Variants in CRISPLD2 observed in about 807,000 individuals in gnomAD.
The protein encoded by CRISPLD2 is cysteine rich secretory protein LCCL domain containing 2.
CRISPLD2 carries 47 observed loss-of-function variants against 71.1 expected under a neutral mutation model. The observed-to-expected ratio is 0.66, with a 90% CI of 0.52 to 0.84. The LOEUF is 0.84. Ranked by LOEUF, CRISPLD2 falls within the 40% of genes least tolerant of loss-of-function variation. The pLI, the probability that CRISPLD2 is intolerant of heterozygous loss-of-function variation, is 0.00. For missense variants in CRISPLD2, 830 were observed against 651.1 expected (o/e 1.27, Z -2.99); for synonymous variants, 317 against 250.1 (o/e 1.27, Z -2.52).
rs1006674668 is a variant in CRISPLD2, at chr16:84,858,038, C to T, written c.709+3209C>T. 6.6e-5 allele frequency among the ~76,000 whole-genome samples: 10 copies of T among 152,260 alleles called. No individual in the cohort carries two copies. In the Middle Eastern group the frequency reaches 0.017, roughly 259 times the overall value. The stretch of plus-strand genomic sequence containing the variant: ...GTTTCCACCAAAGCCCAGTAACAGG[C>T]CAAGAGCTGTCTCTCAAAAGGAAAG... On this transcript the variant is annotated intron_variant, in intron 6 of 14. Transcript: ENST00000262424.
At chr16:84,895,628 A>G (rs12598167) in intron 14 of CRISPLD2, among the ~76,000 whole-genome samples, 28,465 of 152,122 alleles carry the variant, frequency 0.19, 2,767 homozygotes, top group Middle Eastern at 0.25. Context: ...TATTTCATCA[A>G]ATGAGATGAA....
At chr16:84,878,171 C>T (rs1272690538) in intron 12 of CRISPLD2, among the ~76,000 whole-genome samples, 5 of 152,106 alleles carry the variant, frequency 3.3e-5, no homozygotes, top group Non-Finnish European at 7.4e-5. Context: ...TTGCAGTGAG[C>T]CGAGATCGCA....
At chr16:84,850,095 CT>C (rs71384841) in intron 4 of CRISPLD2, among the ~76,000 whole-genome samples, 90,885 of 141,590 alleles carry the variant, frequency 0.64, 29,579 homozygotes, top group Middle Eastern at 0.81. Flanking sequence ...TGTTTGCTTG[CT>C]TTTTTTTTTT....
chr16:84,889,678 A>G (rs1398489078), intron 14 of CRISPLD2, among the ~76,000 whole-genome samples: 1 of 151,948 alleles, frequency 6.6e-6, no homozygotes, highest in Non-Finnish European at 1.5e-5. Context: ...GAAGATAAAC[A>G]GTCATCCATA....
At chr16:84,843,102 C>T (rs1217626729) in intron 2 of CRISPLD2, among the ~76,000 whole-genome samples, 1 of 152,146 alleles carries the variant, frequency 6.6e-6, no homozygotes, top group Non-Finnish European at 1.5e-5. Context: ...TGTTTGTTTA[C>T]TTGGTGATGT....
intron 3 of CRISPLD2, 70 bp from the exon 4 acceptor site, chr16:84,849,315 T>G: frequency 6.8e-7 from 1 of 1,462,856 alleles, no homozygotes; most frequent in Non-Finnish European, 9.3e-7. Context: ...TACCTGCCCG[T>G]GGCTGCTGCT....
chr16:84,830,818 T>C (rs1487909775), intron 1 of CRISPLD2, among the ~76,000 whole-genome samples: 2 of 152,182 alleles, frequency 1.3e-5, no homozygotes, highest in African/African-American at 2.4e-5. Context: ...AGATTATCAG[T>C]GTCTATGGGA....
intron 6 of CRISPLD2, among the ~76,000 whole-genome samples, chr16:84,861,656 A>C (rs1213351288): frequency 1.3e-5 from 2 of 152,194 alleles, no homozygotes; most frequent in East Asian, 1.9e-4. Context: ...ACCCAGGATC[A>C]ATACTTTGCA....
chr16:84,826,692 G>A (rs1367677949), intron 1 of CRISPLD2, among the ~76,000 whole-genome samples: 1 of 152,222 alleles, frequency 6.6e-6, no homozygotes, highest in East Asian at 1.9e-4. Context: ...CCTTGGCATC[G>A]CAGGACAAAG....
intron 4 of CRISPLD2, 64 bp from the exon 5 acceptor site, chr16:84,850,504 C>G: frequency 7.2e-7 from 1 of 1,391,990 alleles, no homozygotes; most frequent in Non-Finnish European, 1.0e-6. Context: ...ACATCCAGGC[C>G]AAATGATATC....
At chr16:84,856,545 A>G (rs1361901146) in intron 6 of CRISPLD2, among the ~76,000 whole-genome samples, 1 of 152,186 alleles carries the variant, frequency 6.6e-6, no homozygotes, top group East Asian at 1.9e-4. Flanking sequence ...AAATTTTGCT[A>G]GTGGGTCACT....
At chr16:84,835,809 C>T (rs541144910) in intron 1 of CRISPLD2, among the ~76,000 whole-genome samples, 22 of 152,358 alleles carry the variant, frequency 1.4e-4, no homozygotes, top group African/African-American at 4.6e-4. Flanking sequence ...AGAACAAAGG[C>T]GGCCAGTCAG....
chr16:84,854,709 GT>G lies in CRISPLD2; in HGVS notation c.609-15del, dbSNP rs1567688971. ...CACGTCGTGGTTCCCTCTGACGGTT[GT>G]TTTTGGGTCTGTCCTCAGGGGGAAC... On this transcript the variant is annotated intron_variant, in intron 5 of 14. Transcript: ENST00000262424. The G allele has an allele frequency of 3.1e-6, 5 of 1,604,262 alleles. No homozygotes were observed. Among genetic ancestry groups the G allele is most frequent in the African/African-American group, 2.7e-5 (2 of 74,708 alleles).
intron 13 of CRISPLD2, among the ~76,000 whole-genome samples, chr16:84,884,776 A>C (rs1018108302): frequency 6.6e-6 from 1 of 152,136 alleles, no homozygotes. Context: ...TATCACAGAA[A>C]ACTTTTGTGT....
intron 11 of CRISPLD2, among the ~76,000 whole-genome samples, chr16:84,876,996 A>T (rs1352223608): frequency 3.3e-5 from 5 of 152,144 alleles, no homozygotes; most frequent in Admixed American, 3.3e-4. Flanking sequence ...GTGGTATGTC[A>T]GAAGGAGCTC....
intron 8 of CRISPLD2, among the ~76,000 whole-genome samples, chr16:84,870,187 G>A (rs1018169568): frequency 1.3e-5 from 2 of 152,062 alleles, no homozygotes; most frequent in Admixed American, 6.5e-5. Flanking sequence ...ATTCAGGAAA[G>A]CAATAACAAC....
At chr16:84,861,116 A>G (rs1917367360) in intron 6 of CRISPLD2, among the ~76,000 whole-genome samples, 3 of 152,158 alleles carry the variant, frequency 2.0e-5, no homozygotes, top group African/African-American at 7.2e-5. Flanking sequence ...TAACTCTCCA[A>G]ATAGCTCATG....
At chr16:84,872,208 C>G (rs748438046) in intron 8 of CRISPLD2, among the ~76,000 whole-genome samples, 1 of 152,088 alleles carries the variant, frequency 6.6e-6, no homozygotes, top group East Asian at 1.9e-4. Context: ...CTTTGGTATC[C>G]TAGGGAAGTT....
rs531186960 is a variant in CRISPLD2 at position 84,902,087 on chromosome 16, C to A, written c.1440-4501C>A. Reference sequence around the variant, plus strand: ...GTGCTGGGATGACAGGCGTGAGCCACCGCGCCTGGCCCTGGTTGCACACTG... The same window carrying A: ...GTGCTGGGATGACAGGCGTGAGCCAACGCGCCTGGCCCTGGTTGCACACTG... On this transcript the variant is annotated intron_variant, in intron 14 of 14. Transcript: ENST00000262424. Among the ~76,000 whole-genome samples the A allele has an allele frequency of 2.0e-5, 3 of 152,112 alleles. No individual in the cohort carries two copies. The East Asian group carries it at 5.8e-4, about 30-fold the overall frequency.
Sources: allele counts gnomAD v4.1 joint callset (sites outside exome capture counted in the v4.1 genomes callset), GRCh38; gene constraint gnomAD v4.1.1; transcripts MANE v1.5; gene names NCBI Gene and HGNC (gene_info 2026-07-23, HGNC 2026-07-21).